The following SDF4 variants were observed in gnomAD, a reference collection of about 807,000 sequenced individuals.
The protein encoded by SDF4 is stromal cell derived factor 4, also known as 45 kDa calcium-binding protein.
A neutral mutation model predicts 34.2 loss-of-function variants in SDF4; 22 were observed. That is an observed-to-expected ratio of 0.64 (90% CI 0.46 to 0.92). SDF4 has a LOEUF of 0.92. Ranked by LOEUF, SDF4 falls within the 40% of genes least tolerant of loss-of-function variation. SDF4 has a pLI of 0.00. For missense variants in SDF4, 447 were observed against 499.9 expected, an observed-to-expected ratio of 0.89 and a Z score of 1.01; for synonymous variants, 236 against 203.1, an observed-to-expected ratio of 1.16 and a Z score of -1.38.
intron 2 of SDF4, among the ~76,000 whole-genome samples, chr1:1,227,659 G>A (rs530649367): frequency 1.8e-3 from 272 of 152,314 alleles, no homozygotes; most frequent in African/African-American, 6.3e-3. Flanking sequence ...CCAGCGCTGA[G>A]TGCAAGTAGG....
Position 1,218,627 on chromosome 1 carries a change from T to C in SDF4, c.722A>G (p.Asp241Gly), listed in dbSNP as rs781774050. Residue 241 changes from aspartate to glycine, a missense_variant, in exon 6 of 7, where the codon GAC (aspartate) becomes GGC (glycine). Coordinates refer to ENST00000360001, the MANE Select transcript of SDF4 (RefSeq NM_016176.6). The surrounding 1 kb of genome is among the most constrained non-coding windows in gnomAD (Gnocchi z 7.9). Reference protein sequence around the residue: ...VKEIVRDLDQDGDKQLSVPEF... With the variant: ...VKEIVRDLDQGGDKQLSVPEF... ...GGGCACAGAGAGCTGCTTGTCACCG[T>C]CCTGGTCTGCGAGACGGGAATGGGT... The C allele has an allele frequency of 6.2e-7, 1 of 1,613,796 alleles. No homozygotes were observed. The highest frequency in any genetic ancestry group is 1.1e-5 in the South Asian group (1 of 91,082).
intron 2 of SDF4, 135 bp from the exon 3 acceptor site, chr1:1,224,103 C>T (rs964848466): frequency 6.1e-6 from 9 of 1,482,154 alleles, no homozygotes; most frequent in Admixed American, 2.1e-5. Context: ...CACCAGGCAA[C>T]GCGAAAAGCG....
chr1:1,227,975 T>TA (rs1258839927), intron 2 of SDF4, among the ~76,000 whole-genome samples: 7 of 152,226 alleles, frequency 4.6e-5, no homozygotes, highest in African/African-American at 1.7e-4. Context: ...CTGCGTGTGA[T>TA]ACGCGGCCCG....
At position 1,217,487 on chromosome 1, in the gene SDF4, G is replaced by A; in HGVS notation, c.*25C>T. ...GAGGCCGCCCCGGTGGTGCGTGGGG[G>A]GCGGCGCGGGGCGCGGCCGGGCGCT... On this transcript the variant is annotated 3_prime_UTR_variant, in exon 7 of 7. Coordinates refer to ENST00000360001, the MANE Select transcript of SDF4 (RefSeq NM_016176.6). The surrounding 1 kb of genome is among the most constrained non-coding windows in gnomAD (Gnocchi z 8.5). 6.7e-7 allele frequency: 1 copy of A among 1,494,668 alleles called. No individual in the cohort carries two copies. Among genetic ancestry groups the A allele is most frequent in the Non-Finnish European group, 8.9e-7 (1 of 1,120,212 alleles). The allele number at this position is 1,494,668 out of a possible 1,614,324, so 92.6% of individuals were successfully genotyped here. A position where few individuals can be genotyped will look rare whatever the true frequency, so the allele number is the denominator to read the frequency against.
intron 4 of SDF4, chr1:1,220,661 G>C (rs1384094453): frequency 7.8e-7 from 1 of 1,289,220 alleles, no homozygotes; most frequent in Non-Finnish European, 1.0e-6. Flanking sequence ...ACACACCTCT[G>C]CTGAGTCCCA....
At chr1:1,220,615 T>G in intron 4 of SDF4, 1 of 1,289,124 alleles carries the variant, frequency 7.8e-7, no homozygotes, top group Non-Finnish European at 1.0e-6. Context: ...CACCTCAGCA[T>G]GCATGGGGAC....
rs1346109460 is a variant in SDF4 at position 1,231,676 on chromosome 1, G to A, written c.-175+216C>T. ...CCAGTAGGAGACCAGACGTGCCGGC[G>A]GCCGGGGAGGCCAGCGTCGTCGGCC... On this transcript the variant is annotated intron_variant, in intron 1 of 6. Transcript: ENST00000360001. Among the ~76,000 whole-genome samples the A allele has an allele frequency of 2.6e-4, 40 of 152,174 alleles. 2 individuals are homozygous for A. Among genetic ancestry groups the A allele is most frequent in the Admixed American group, 2.6e-3 (40 of 15,292 alleles).
intron 4 of SDF4, chr1:1,219,400 G>T: frequency 9.7e-7 from 1 of 1,029,836 alleles, no homozygotes; most frequent in Non-Finnish European, 1.2e-6. Flanking sequence ...GGATGGGCCT[G>T]GGCCCCACCC....
chr1:1,223,014 T>C (rs1227376182), intron 4 of SDF4, among the ~76,000 whole-genome samples: 1 of 146,590 alleles, frequency 6.8e-6, no homozygotes, highest in Non-Finnish European at 1.5e-5. Context: ...ACGACACGCA[T>C]ACACATGTAC....
chr1:1,230,276 T>C (rs985553321), intron 1 of SDF4, among the ~76,000 whole-genome samples: 3 of 152,194 alleles, frequency 2.0e-5, no homozygotes, highest in Admixed American at 6.5e-5. Context: ...CTGCACACAG[T>C]AGGCGCTCAA....
intron 1 of SDF4, among the ~76,000 whole-genome samples, chr1:1,230,931 C>A (rs566680457): frequency 4.6e-5 from 7 of 152,358 alleles, no homozygotes; most frequent in South Asian, 4.1e-4. Flanking sequence ...TGCAAAGAGA[C>A]TGTACTTTGT....
Position 1,228,573 on chromosome 1 carries a change from T to C in SDF4, c.200A>G (p.Asn67Ser), listed in dbSNP as rs1333069320. 4.3e-6 allele frequency: 7 copies of C among 1,613,030 alleles called. No individual in the cohort carries two copies. The highest frequency in any genetic ancestry group is 2.5e-6 in the Non-Finnish European group (3 of 1,180,014). ...GAAGACCTCCTGGTGGAAGCCGCGATTGAGGTGCCCGTCCATCTCCAGCTT... is the reference window on the plus strand; with the variant it reads ...GAAGACCTCCTGGTGGAAGCCGCGACTGAGGTGCCCGTCCATCTCCAGCTT... ...GVKLEMDGHL[N>S]RGFHQEVFLG... The change falls in exon 2 of 7, where the codon AAT becomes AGT. Residue 67 changes from asparagine (N) to serine (S), a missense_variant. Physicochemically the swap from Asn to Ser is conservative, Grantham distance 46. Coordinates refer to ENST00000360001, the MANE Select transcript of SDF4 (RefSeq NM_016176.6).
intron 4 of SDF4, chr1:1,220,133 C>T (rs1649837105): frequency 7.1e-6 from 7 of 987,086 alleles, no homozygotes; most frequent in South Asian, 4.7e-5. Context: ...ACAGCCGCCG[C>T]CGAGCCCCAG....
chr1:1,228,892 C>T lies in SDF4; in HGVS notation c.-120G>A, dbSNP rs980806784. On this transcript the variant is annotated 5_prime_UTR_variant, in exon 2 of 7. The change creates a new upstream start codon in the 5' untranslated region. Coordinates refer to ENST00000360001, the MANE Select transcript of SDF4 (RefSeq NM_016176.6). ...GCTCCAATCCAATCCCCGGGCACCA[C>T]GGAGGGCTCTGTGTCCCCAGGACGG... The T allele has an allele frequency of 3.4e-5, 32 of 939,298 alleles. No individual in the cohort carries two copies. In the African/African-American group the frequency reaches 3.8e-4, roughly 11 times the overall value. The allele number at this position is 939,298 out of a possible 1,614,324, so 58.2% of individuals were successfully genotyped here.
At position 1,223,820 on chromosome 1, in the gene SDF4, C is replaced by CCCCCCCCCCCCAAA; in HGVS notation, c.442+11_442+12insTTTGGGGGGGGGGG. 1 of 1,515,848 alleles carries CCCCCCCCCCCCAAA rather than the reference C, an allele frequency of 6.6e-7. No individual in the cohort carries two copies. Among genetic ancestry groups the CCCCCCCCCCCCAAA allele is most frequent in the African/African-American group, 1.4e-5 (1 of 72,460 alleles). 93.9% of individuals were successfully genotyped at this position (1,515,848 alleles called of 1,614,324 possible). A position where few individuals can be genotyped will look rare whatever the true frequency, so the allele number is the denominator to read the frequency against. On this transcript the variant is annotated intron_variant, in intron 3 of 6. Transcript: ENST00000360001. ...GCCCACCGCCCCACCCACCCCGGCC[C>CCCCCCCCCCCCAAA]AGCCACAGTACCGTCCCCGTCAGGG...
intron 4 of SDF4, chr1:1,220,896 G>A (rs748606276): frequency 2.5e-4 from 133 of 525,124 alleles, no homozygotes; most frequent in Admixed American, 4.5e-4. Context: ...ACGCGGGACC[G>A]GGGTGGAGGC....
At chr1:1,223,786 G>GGGCCCCCCCCC in intron 3 of SDF4, 46 bp downstream of exon 3, 1 of 585,240 alleles carries the variant, frequency 1.7e-6, no homozygotes, top group African/African-American at 2.0e-5. Flanking sequence ...CCATGGCCCT[G>GGGCCCCCCCCC]CCCGCCCCGC....
chr1:1,222,673 CCTAA>C (rs765883517), intron 4 of SDF4, among the ~76,000 whole-genome samples: 1 of 152,270 alleles, frequency 6.6e-6, no homozygotes, highest in Admixed American at 6.5e-5. Context: ...CTCTGCAGGA[CCTAA>C]CTGAGTAACG....
chr1:1,218,344 G>A lies in SDF4; in HGVS notation c.891+114C>T, dbSNP rs1649662483. ...AACGCCCCAGTGACCAGCCCAGATGGAGTCTCAGGCCAGACACCAGCACAG... is the reference window on the plus strand; with the variant it reads ...AACGCCCCAGTGACCAGCCCAGATGAAGTCTCAGGCCAGACACCAGCACAG... On this transcript the variant is annotated intron_variant, in intron 6 of 6. Coordinates refer to ENST00000360001, the MANE Select transcript of SDF4 (RefSeq NM_016176.6). The surrounding 1 kb of genome is among the most constrained non-coding windows in gnomAD (Gnocchi z 7.9). The A allele has an allele frequency of 6.0e-5, 69 of 1,155,686 alleles. 1 individual carries two copies. The South Asian group carries it at 9.7e-4, about 16-fold the overall frequency. The allele number at this position is 1,155,686 out of a possible 1,614,324, so 71.6% of individuals were successfully genotyped here. A position where few individuals can be genotyped will look rare whatever the true frequency, so the allele number is the denominator to read the frequency against.
Sources: allele counts gnomAD v4.1 joint callset (sites outside exome capture counted in the v4.1 genomes callset), GRCh38; gene constraint gnomAD v4.1.1; non-coding constraint Gnocchi (gnomAD v3.1); transcripts MANE v1.5; gene names NCBI Gene and HGNC (gene_info 2026-07-23, HGNC 2026-07-21).